Variants in SMURF2 observed in about 807,000 individuals in gnomAD.
The protein encoded by SMURF2 is SMAD specific E3 ubiquitin protein ligase 2.
Under a neutral mutation model 109.6 loss-of-function variants are expected in SMURF2, and 48 were observed. The observed-to-expected ratio is 0.44, with a 90% CI of 0.35 to 0.56. SMURF2 has a LOEUF of 0.56. SMURF2 is among the 20% of genes least tolerant of loss of function. SMURF2 has a pLI of 0.01. For synonymous variants in SMURF2, 288 were observed against 317.1 expected (o/e 0.91, Z 0.97); for missense variants, 575 against 909.0 (o/e 0.63, Z 4.72).
chr17:64,554,633 T>C (rs1000177544), intron 15 of SMURF2, among the ~76,000 whole-genome samples: 1 of 152,168 alleles, frequency 6.6e-6, no homozygotes, highest in African/African-American at 2.4e-5. Flanking sequence ...CTAGCTGACA[T>C]CTTGTGGAAC....
intron 7 of SMURF2, among the ~76,000 whole-genome samples, chr17:64,582,367 G>A (rs1441311322): frequency 6.6e-6 from 1 of 152,150 alleles, no homozygotes; most frequent in Non-Finnish European, 1.5e-5. Flanking sequence ...TGCACAAGAT[G>A]GCAAATTTTG....
chr17:64,598,695 G>A (rs1969851737), intron 2 of SMURF2, among the ~76,000 whole-genome samples: 1 of 151,902 alleles, frequency 6.6e-6, no homozygotes, highest in Non-Finnish European at 1.5e-5. Flanking sequence ...TCTCGTTTCT[G>A]TCTCAAAATA....
Position 64,583,461 on chromosome 17 carries a change from C to A in SMURF2, c.569G>T (p.Arg190Leu). 6.2e-7 allele frequency: 1 copy of A among 1,611,246 alleles called. No homozygotes were observed. The highest frequency in any genetic ancestry group is 8.5e-7 in the Non-Finnish European group (1 of 1,177,422). ...TGAGAAAATATTTGTATGTTCTTAC[C>A]GTGTTGGGCGCTCCCATTGCGTAGT... ...TRTTQWERPT[R>L]PASEYSSPGR... is the part of the protein sequence containing the mutation. Residue 190 changes from arginine to leucine, a missense_variant and splice_region_variant, in exon 7 of 19, where the codon CGA becomes CTA. Around this residue, in one of 5 missense-constraint regions of SMURF2, gnomAD observed 151 missense variants for 178.4 expected, o/e 0.85. Transcript: ENST00000262435.
chr17:64,593,379 A>C, intron 4 of SMURF2, 61 bp downstream of exon 4: 3 of 1,455,128 alleles, frequency 2.1e-6, no homozygotes, highest in Non-Finnish European at 2.8e-6. Flanking sequence ...ATATGCACAA[A>C]TACATATACA....
At chr17:64,546,203 C>A in intron 18 of SMURF2, 60 bp downstream of exon 18, 1 of 1,521,866 alleles carries the variant, frequency 6.6e-7, no homozygotes, top group South Asian at 1.1e-5. Context: ...AAAGTCAAAT[C>A]TGTTTGGAAC....
intron 1 of SMURF2, among the ~76,000 whole-genome samples, chr17:64,615,418 G>A (rs1237262506): frequency 2.6e-5 from 4 of 152,140 alleles, no homozygotes; most frequent in South Asian, 2.1e-4. Context: ...AAATAAAACC[G>A]AAATTCAGGA....
intron 2 of SMURF2, among the ~76,000 whole-genome samples, chr17:64,604,491 T>C (rs566373644): frequency 3.9e-5 from 6 of 152,220 alleles, no homozygotes; most frequent in African/African-American, 1.4e-4. Context: ...CTAGATATCC[T>C]AGGAAAAATG....
At chr17:64,567,017 T>G (rs1277561069) in intron 10 of SMURF2, among the ~76,000 whole-genome samples, 2 of 151,684 alleles carry the variant, frequency 1.3e-5, no homozygotes, top group African/African-American at 4.8e-5. Context: ...ATTACAGGCA[T>G]GCACCACCAC....
chr17:64,611,274 T>A (rs1028258975), intron 1 of SMURF2, among the ~76,000 whole-genome samples: 16 of 152,092 alleles, frequency 1.1e-4, no homozygotes, highest in African/African-American at 3.9e-4. Context: ...ACAGAACTCT[T>A]CCTCTCTCTC....
chr17:64,607,087 A>G (rs1418718953), intron 1 of SMURF2, among the ~76,000 whole-genome samples: 1 of 142,738 alleles, frequency 7.0e-6, no homozygotes, highest in Non-Finnish European at 1.6e-5. Context: ...TTTTTTTTTT[A>G]AATAACATTC....
chr17:64,562,012 AG>A (rs1186135588), intron 11 of SMURF2, among the ~76,000 whole-genome samples: 1 of 145,760 alleles, frequency 6.9e-6, no homozygotes, highest in Non-Finnish European at 1.5e-5. Flanking sequence ...TTTAAAAAAG[AG>A]GCCAGGTGCA....
chr17:64,631,130 C>A (rs1040648059), intron 1 of SMURF2, among the ~76,000 whole-genome samples: 3 of 150,938 alleles, frequency 2.0e-5, no homozygotes, highest in Non-Finnish European at 1.5e-5. Context: ...GGCAAGACCC[C>A]ATCTCTACAA....
At chr17:64,645,986 A>C (rs1394532657) in intron 1 of SMURF2, among the ~76,000 whole-genome samples, 3 of 152,160 alleles carry the variant, frequency 2.0e-5, no homozygotes, top group East Asian at 3.8e-4. Context: ...AAATTCTTTG[A>C]GTTAGATGCC....
chr17:64,652,078 C>T (rs1156651712), intron 1 of SMURF2, among the ~76,000 whole-genome samples: 11 of 152,092 alleles, frequency 7.2e-5, no homozygotes, highest in African/African-American at 2.7e-4. Context: ...CAGACACTTA[C>T]GTTAAGTCAT....
At chr17:64,561,651 C>T in intron 11 of SMURF2, 48 bp from the exon 12 acceptor site, 2 of 1,392,460 alleles carry the variant, frequency 1.4e-6, no homozygotes, top group Non-Finnish European at 2.0e-6. Flanking sequence ...GTCCTTTTAG[C>T]CTATTACTTA....
chr17:64,656,390 G>A (rs1970705377), intron 1 of SMURF2, among the ~76,000 whole-genome samples: 1 of 152,172 alleles, frequency 6.6e-6, no homozygotes, highest in Non-Finnish European at 1.5e-5. Context: ...ACAAGTCAAT[G>A]AAAATAAATA....
At position 64,558,033 on chromosome 17, in the gene SMURF2, C is replaced by A. The variant is rs1969150745; in HGVS notation, c.1317-311G>T. ...GATGATACGGTCCAGTGGTCTGTTA[C>A]TTTTAATTGCCAAATAAATTTGTAA... On this transcript the variant is annotated intron_variant, in intron 12 of 18. Coordinates refer to ENST00000262435, the MANE Select transcript of SMURF2 (RefSeq NM_022739.4). Among the ~76,000 whole-genome samples, 4 of 152,138 alleles carry A rather than the reference C, an allele frequency of 2.6e-5. No homozygotes were observed. In the South Asian group the frequency reaches 8.3e-4, roughly 32 times the overall value.
Position 64,555,802 on chromosome 17 carries a change from A to G in SMURF2, c.1610+18T>C. ...AGCTCAGAGTTTATAATGAAGAGAT[A>G]GAAGACTCAATACATACAGTATCCA... On this transcript the variant is annotated intron_variant, in intron 14 of 18. Transcript: ENST00000262435. 2.6e-6 allele frequency: 4 copies of G among 1,529,812 alleles called. No homozygotes were observed. Among genetic ancestry groups the G allele is most frequent in the Non-Finnish European group, 3.6e-6 (4 of 1,125,320 alleles). 94.8% of individuals were successfully genotyped at this position (1,529,812 alleles called of 1,614,324 possible). A position where few individuals can be genotyped will look rare whatever the true frequency, so the allele number is the denominator to read the frequency against.
chr17:64,556,096 G>T, intron 13 of SMURF2, 98 bp from the exon 14 acceptor site: 3 of 935,910 alleles, frequency 3.2e-6, no homozygotes, highest in Non-Finnish European at 4.7e-6. Flanking sequence ...TTGAGAATAA[G>T]CATAAAATTT....
Sources: gnomAD v4.1 joint callset for allele counts (sites outside exome capture counted in the v4.1 genomes callset) on GRCh38, gnomAD v4.1.1 for gene constraint, gnomAD v4.1.1 regional missense constraint, MANE v1.5 for transcripts, NCBI Gene and HGNC (gene_info 2026-07-23, HGNC 2026-07-21) for gene names.